CCDC9: variants seen among roughly 807,000 people sequenced by gnomAD.
CCDC9 encodes coiled-coil domain-containing protein 9.
CCDC9 carries 52 observed loss-of-function variants against 65.6 expected under a neutral mutation model. The ratio of observed to expected loss-of-function variants is 0.79; its 90% CI spans 0.63 to 1.00. CCDC9 has a LOEUF of 1.00. Among genes scored for constraint, CCDC9 ranks in the 50% least tolerant of loss-of-function variants. The pLI is 0.00. For synonymous variants in CCDC9, 332 were observed against 280.3 expected (o/e 1.18, Z -1.84); for missense variants, 834 against 757.2 (o/e 1.10, Z -1.19).
At chr19:47,268,921 A>AAAT (rs200348472) in intron 8 of CCDC9, among the ~76,000 whole-genome samples, 3,077 of 150,852 alleles carry the variant, frequency 0.02, 61 homozygotes, top group Middle Eastern at 0.072. Context: ...CCGTTTCAAA[A>AAAT]AATAATAATA....
At chr19:47,263,808 C>T (rs2059061751) in intron 5 of CCDC9, among the ~76,000 whole-genome samples, 1 of 152,016 alleles carries the variant, frequency 6.6e-6, no homozygotes, top group South Asian at 2.1e-4. Context: ...TCGTGATCCA[C>T]CTGCCTCGGC....
chr19:47,275,178 G>A (rs902580248), downstream of CCDC9: 95 of 1,464,638 alleles, frequency 6.5e-5, no homozygotes, highest in Non-Finnish European at 8.2e-5. Context: ...GCCTGTCCCG[G>A]CGCCCGCCGC....
rs1232757450 is a variant in CCDC9, at chr19:47,264,860, C to T, written c.634C>T (p.Arg212Cys). 1.7e-5 allele frequency: 26 copies of T among 1,501,510 alleles called. No individual in the cohort carries two copies. The highest frequency in any genetic ancestry group is 2.1e-5 in the Non-Finnish European group (24 of 1,127,182). 93.0% of individuals were successfully genotyped at this position (1,501,510 alleles called of 1,614,324 possible). A position where few individuals can be genotyped will look rare whatever the true frequency, so the allele number is the denominator to read the frequency against. ...GCCCCTGGAGGAGTCTGAGCGGGAC[C>T]GCCGGGAGGAGAGCCGCCGGCACGG... ...SGPLEESERD[R>C]REESRRHGRN... Residue 212 changes from arginine (R) to cysteine (C), a missense_variant, in exon 7 of 12, where the codon CGC becomes TGC. Coordinates refer to ENST00000221922, the MANE Select transcript of CCDC9 (RefSeq NM_015603.3).
downstream of CCDC9, chr19:47,272,303 G>C: frequency 5.6e-6 from 3 of 538,180 alleles, no homozygotes; most frequent in Non-Finnish European, 8.4e-6. Context: ...GGGTGAGCTC[G>C]GATAGGGATG....
chr19:47,274,105 C>T (rs1362189939), downstream of CCDC9: 4 of 477,038 alleles, frequency 8.4e-6, no homozygotes, highest in Non-Finnish European at 1.1e-5. Flanking sequence ...GACCCCTTGG[C>T]TCTAGGGAGA....
chr19:47,257,110 G>C (rs575250226), intron 1 of CCDC9, among the ~76,000 whole-genome samples: 1 of 151,190 alleles, frequency 6.6e-6, no homozygotes, highest in East Asian at 2.0e-4. Context: ...TTTCGTCTGA[G>C]CCACGGGCGC....
At position 47,271,876 on chromosome 19, in the gene CCDC9, C is replaced by T. The variant is rs943888204; in HGVS notation, c.*198C>T. The T allele has an allele frequency of 1.4e-5, 19 of 1,359,870 alleles. No individual in the cohort carries two copies. The highest frequency in any genetic ancestry group is 5.8e-5 in the African/African-American group (4 of 68,452). The allele number at this position is 1,359,870 out of a possible 1,614,324, so 84.2% of individuals were successfully genotyped here. On this transcript the variant is annotated 3_prime_UTR_variant, in exon 12 of 12. Transcript: ENST00000221922. ...CCATGCTCTTCTGTACTGTCATGCC[C>T]GTCTCTGGAATGTCCACTCCCAGAG...
At chr19:47,269,975 T>G (rs974762731) in intron 8 of CCDC9, among the ~76,000 whole-genome samples, 1 of 144,726 alleles carries the variant, frequency 6.9e-6, no homozygotes, top group Non-Finnish European at 1.5e-5. Context: ...CTATCCTTTG[T>G]TTTTTTTTTT....
At chr19:47,265,082 G>T in intron 7 of CCDC9, 136 bp downstream of exon 7, 1 of 682,926 alleles carries the variant, frequency 1.5e-6, no homozygotes, top group Non-Finnish European at 2.1e-6. Flanking sequence ...TTTTGAGACG[G>T]ATTCTCGCTC....
chr19:47,258,307 C>T, intron 1 of CCDC9, 23 bp from the exon 2 acceptor site: 3 of 1,411,902 alleles, frequency 2.1e-6, no homozygotes, highest in Non-Finnish European at 3.0e-6. Context: ...TGGCCTTTGT[C>T]CTTTTTTTCC....
intron 8 of CCDC9, among the ~76,000 whole-genome samples, chr19:47,267,708 G>A (rs1369204556): frequency 6.6e-6 from 1 of 152,224 alleles, no homozygotes; most frequent in South Asian, 2.1e-4. Flanking sequence ...CACCGGTGGC[G>A]GCAGGGACAT....
In CCDC9 at chr19:47,265,984, C is replaced by CCTTT. The variant is rs1568639017; in HGVS notation, c.721-627_721-626insCTTT. 6.9e-5 allele frequency among the ~76,000 whole-genome samples: 5 copies of CCTTT among 72,626 alleles called. 1 individual carries two copies. The highest frequency in any genetic ancestry group is 1.5e-4 in the Admixed American group (1 of 6,528). The allele number at this position is 72,626 out of a possible 152,430, so 47.6% of individuals were successfully genotyped here. A position where few individuals can be genotyped will look rare whatever the true frequency, so the allele number is the denominator to read the frequency against. On this transcript the variant is annotated intron_variant, in intron 7 of 11. Transcript: ENST00000221922. ...TACAGGCGTGAGCCACCGCTCCTGG[C>CCTTT]TTTTTTTTTTTTTTTTTTTTTTTTT...
intron 5 of CCDC9, among the ~76,000 whole-genome samples, chr19:47,263,758 G>T (rs1348746066): frequency 3.3e-5 from 5 of 151,888 alleles, no homozygotes; most frequent in Admixed American, 2.0e-4. Context: ...TAGAGACGGG[G>T]TTTCACCATG....
Position 47,264,881 on chromosome 19 carries a change from C to T in CCDC9, c.655C>T (p.His219Tyr), listed in dbSNP as rs780641278. 3 of 1,478,518 alleles carry T rather than the reference C, an allele frequency of 2.0e-6. No individual in the cohort carries two copies. The highest frequency in any genetic ancestry group is 1.8e-6 in the Non-Finnish European group (2 of 1,116,842). The allele number at this position is 1,478,518 out of a possible 1,614,324, so 91.6% of individuals were successfully genotyped here. ...ERDRREESRR[H>Y]GRNWGGPDFE... is the part of the protein sequence containing the mutation. ...GGACCGCCGGGAGGAGAGCCGCCGG[C>T]ACGGCCGCAACTGGGGGGGCCCCGA... The change falls in exon 7 of 12, where the codon CAC becomes TAC. Residue 219 changes from histidine to tyrosine, a missense_variant. By Grantham distance (83) the His-to-Tyr change is moderately conservative (BLOSUM62 2). Transcript: ENST00000221922.
rs372768345 is a variant in CCDC9 at position 47,270,407 on chromosome 19, G to C, written c.903G>C (p.Met301Ile). ...REWDAEKTDG[M>I]FKDGPVPAHE... ...CGCTCACCCGTTATCTTTCCCCCAGGTTCAAGGATGGCCCAGTCCCTGCCC... is the reference window on the plus strand; with the variant it reads ...CGCTCACCCGTTATCTTTCCCCCAGCTTCAAGGATGGCCCAGTCCCTGCCC... Residue 301 changes from methionine to isoleucine, a missense_variant and splice_region_variant, in exon 9 of 12, where the codon ATG becomes ATC. Transcript: ENST00000221922. The C allele has an allele frequency of 2.5e-6, 4 of 1,613,934 alleles. No individual in the cohort carries two copies. The highest frequency in any genetic ancestry group is 4.5e-5 in the East Asian group (2 of 44,892).
At chr19:47,261,193 C>G (rs182968219) in intron 5 of CCDC9, among the ~76,000 whole-genome samples, 3 of 151,964 alleles carry the variant, frequency 2.0e-5, no homozygotes, top group African/African-American at 4.8e-5. Flanking sequence ...CCCTTTTTCT[C>G]GCTCTCTGGT....
chr19:47,258,026 AGCCT>A, intron 1 of CCDC9: 2 of 299,400 alleles, frequency 6.7e-6, no homozygotes, highest in Admixed American at 4.9e-5. Context: ...GCCTAGAATC[AGCCT>A]TTGGAGGAGA....
At chr19:47,261,714 A>AAAG (rs2059047199) in intron 5 of CCDC9, among the ~76,000 whole-genome samples, 1 of 147,262 alleles carries the variant, frequency 6.8e-6, no homozygotes, top group Non-Finnish European at 1.5e-5. Flanking sequence ...TCTGTATCAA[A>AAAG]AAAAAAAAAA....
chr19:47,258,328 A>G lies in CCDC9; in HGVS notation c.-71-2A>G. ...TTGTCCTTTTTTTCCCTCTGTCCCC[A>G]GGAACCCTCAGTGCTGCGTCTAGAT... On this transcript the variant is annotated splice_acceptor_variant, in intron 1 of 11. Transcript: ENST00000221922. LOFTEE classifies it low-confidence loss of function (5UTR_SPLICE). The G allele has an allele frequency of 6.4e-7, 1 of 1,555,490 alleles. No homozygotes were observed. The highest frequency in any genetic ancestry group is 8.9e-7 in the Non-Finnish European group (1 of 1,127,562).
Sources: allele counts gnomAD v4.1 joint callset (sites outside exome capture counted in the v4.1 genomes callset), GRCh38; gene constraint gnomAD v4.1.1; transcripts MANE v1.5; gene names NCBI Gene and HGNC (gene_info 2026-07-23, HGNC 2026-07-21).